OR51B5: variants seen among roughly 807,000 people sequenced by gnomAD.
The protein encoded by OR51B5 is olfactory receptor family 51 subfamily B member 5, also known as olfactory receptor 51B5.
For synonymous variants in OR51B5, 186 were observed against 144.8 expected (o/e 1.28, Z -2.04); for missense variants, 456 against 374.6 (o/e 1.22, Z -1.79).
intron 1 of OR51B5, among the ~76,000 whole-genome samples, chr11:5,423,396 A>C (rs1440111545): frequency 6.6e-6 from 1 of 152,132 alleles, no homozygotes; most frequent in Non-Finnish European, 1.5e-5. Flanking sequence ...CAACGGGAGG[A>C]TTTTAATGGA....
chr11:5,358,710 A>G (rs1324520292), intron 1 of OR51B5, among the ~76,000 whole-genome samples: 1 of 152,054 alleles, frequency 6.6e-6, no homozygotes, highest in Non-Finnish European at 1.5e-5. Flanking sequence ...TTTTAGACCA[A>G]TATCCCTGAT....
upstream of OR51B5, among the ~76,000 whole-genome samples, chr11:5,344,149 A>T (rs531549202): frequency 6.6e-6 from 1 of 152,204 alleles, no homozygotes; most frequent in Non-Finnish European, 1.5e-5. Context: ...GACATTCACG[A>T]TTAGTGTGAA....
intron 1 of OR51B5, among the ~76,000 whole-genome samples, chr11:5,365,166 T>C (rs1191967492): frequency 3.3e-5 from 5 of 152,266 alleles, no homozygotes; most frequent in Non-Finnish European, 7.3e-5. Flanking sequence ...TGGTGAGTTC[T>C]GTAGACATTT....
At chr11:5,450,436 G>T (rs1351001997) in intron 1 of OR51B5, among the ~76,000 whole-genome samples, 1 of 151,900 alleles carries the variant, frequency 6.6e-6, no homozygotes, top group African/African-American at 2.4e-5. Context: ...TAAGACATAG[G>T]TCTAAAAAAA....
chr11:5,478,169 C>A (rs1047756543), intron 1 of OR51B5, among the ~76,000 whole-genome samples: 2 of 151,896 alleles, frequency 1.3e-5, no homozygotes, highest in Admixed American at 1.3e-4. Flanking sequence ...GATCTGAGAA[C>A]GGGTAGACTG....
At chr11:5,404,713 C>T (rs1850034193) in intron 1 of OR51B5, among the ~76,000 whole-genome samples, 1 of 152,220 alleles carries the variant, frequency 6.6e-6, no homozygotes, top group Admixed American at 6.5e-5. Flanking sequence ...GTCTGCACTA[C>T]CTTTATGAAC....
chr11:5,374,012 C>T (rs1180854720), intron 1 of OR51B5, among the ~76,000 whole-genome samples: 13 of 152,166 alleles, frequency 8.5e-5, no homozygotes, highest in African/African-American at 1.2e-4. Flanking sequence ...GATCTGAGAA[C>T]GGGCAGACTG....
intron 1 of OR51B5, among the ~76,000 whole-genome samples, chr11:5,373,773 G>A (rs1255368431): frequency 6.6e-6 from 1 of 152,194 alleles, no homozygotes; most frequent in Non-Finnish European, 1.5e-5. Flanking sequence ...AGCGAGGCTG[G>A]GGGAGGGGCA....
intron 1 of OR51B5, among the ~76,000 whole-genome samples, chr11:5,395,782 A>G (rs1471237889): frequency 6.6e-6 from 1 of 152,214 alleles, no homozygotes. Context: ...AGGATTGTCC[A>G]AAAACCTGTG....
chr11:5,379,917 G>A (rs1200257432), intron 1 of OR51B5, among the ~76,000 whole-genome samples: 1 of 151,768 alleles, frequency 6.6e-6, no homozygotes, highest in African/African-American at 2.4e-5. Flanking sequence ...GAACCAGCAT[G>A]AGACCTTTAT....
At chr11:5,351,658 C>T in intron 1 of OR51B5, 2 of 1,614,104 alleles carry the variant, frequency 1.2e-6, no homozygotes, top group African/African-American at 1.3e-5. Flanking sequence ...CAGGAATGAT[C>T]ATAACCTCCA....
At position 5,349,130 on chromosome 11, in the gene OR51B5, G is replaced by T. The variant is rs550029700; in HGVS notation, n.85-2220C>A. Among the ~76,000 whole-genome samples the T allele has an allele frequency of 2.6e-5, 4 of 152,270 alleles. No individual in the cohort carries two copies. In the South Asian group the frequency reaches 8.3e-4, roughly 32 times the overall value. The stretch of plus-strand genomic sequence containing the variant: ...AGACCCTGGAAGAGGGTGAATGGCT[G>T]CAGGGATGAGGCAAAGGTTTTAGAT... On this transcript the variant is annotated intron_variant and non_coding_transcript_variant, in intron 1 of 4. Transcript: ENST00000415970.
chr11:5,435,595 A>G (rs1472602610), intron 1 of OR51B5, among the ~76,000 whole-genome samples: 3 of 152,204 alleles, frequency 2.0e-5, no homozygotes, highest in Non-Finnish European at 4.4e-5. Context: ...TGAATAAATA[A>G]CTGAATAAAT....
intron 1 of OR51B5, among the ~76,000 whole-genome samples, chr11:5,496,135 C>CT (rs1208697367): frequency 6.7e-6 from 1 of 148,980 alleles, no homozygotes; most frequent in Non-Finnish European, 1.5e-5. Context: ...CCTCATGCTT[C>CT]TTGCTTGTGT....
intron 1 of OR51B5, among the ~76,000 whole-genome samples, chr11:5,437,638 GA>G (rs1426167350): frequency 1.3e-5 from 2 of 152,192 alleles, no homozygotes; most frequent in African/African-American, 4.8e-5. Flanking sequence ...TATAAAAAAG[GA>G]TAGCACCTAA....
rs781279155 is a variant in OR51B5 at position 5,441,352 on chromosome 11, G to A, written n.84+64217C>T. The A allele has an allele frequency of 4.3e-6, 7 of 1,613,966 alleles. No homozygotes were observed. In the South Asian group the frequency reaches 7.7e-5, roughly 18 times the overall value. On this transcript the variant is annotated intron_variant and non_coding_transcript_variant, in intron 1 of 4. Coordinates refer to the OR51B5 transcript ENST00000415970. ...TAGTACATGGGCTGATGCAGAGCAGGCTCCCAAAACACCAGAGTGAGAATG... is the reference window on the plus strand; with the variant it reads ...TAGTACATGGGCTGATGCAGAGCAGACTCCCAAAACACCAGAGTGAGAATG...
chr11:5,394,472 T>A (rs1159721543), intron 1 of OR51B5, among the ~76,000 whole-genome samples: 1 of 152,184 alleles, frequency 6.6e-6, no homozygotes, highest in Non-Finnish European at 1.5e-5. Flanking sequence ...TCTGGCCCAT[T>A]CCTCAGCACA....
chr11:5,407,582 T>C (rs771669946), intron 1 of OR51B5, among the ~76,000 whole-genome samples: 10 of 152,272 alleles, frequency 6.6e-5, no homozygotes, highest in South Asian at 6.2e-4. Flanking sequence ...CATGAGTTAA[T>C]AGTTGTATTA....
intron 1 of OR51B5, among the ~76,000 whole-genome samples, chr11:5,487,719 A>G (rs911359429): frequency 8.5e-5 from 13 of 152,154 alleles, no homozygotes; most frequent in African/African-American, 2.4e-4. Flanking sequence ...CTCACTTTTT[A>G]TATCTGTCTC....
Sources: gnomAD v4.1 joint callset for allele counts (sites outside exome capture counted in the v4.1 genomes callset) on GRCh38, gnomAD v4.1.1 for gene constraint, MANE v1.5 for transcripts, NCBI Gene and HGNC (gene_info 2026-07-23, HGNC 2026-07-21) for gene names.